NFASC: variants seen among roughly 807,000 people sequenced by gnomAD.
NFASC encodes neurofascin homolog.
A neutral mutation model predicts 147.5 loss-of-function variants in NFASC; 43 were observed. That is an observed-to-expected ratio of 0.29 (90% CI 0.23 to 0.38). The LOEUF is 0.38. Among genes scored for constraint, NFASC ranks in the 10% least tolerant of loss-of-function variants. The pLI, the probability that NFASC is intolerant of heterozygous loss-of-function variation, is 1.00. For missense variants in NFASC, 1,320 were observed against 1,689.0 expected, an observed-to-expected ratio of 0.78 and a Z score of 3.83; for synonymous variants, 622 against 665.5, an observed-to-expected ratio of 0.93 and a Z score of 1.01.
chr1:204,893,548 A>G (rs933255192), intron 1 of NFASC, among the ~76,000 whole-genome samples: 1 of 152,240 alleles, frequency 6.6e-6, no homozygotes, highest in African/African-American at 2.4e-5. Flanking sequence ...CTAGTACCAG[A>G]TCTAAAATTG....
Position 204,882,501 on chromosome 1 carries a change from T to C in NFASC, c.-199-38131T>C, listed in dbSNP as rs145096844. ...TTGATATCACTTCCTGACCACCCTA[T>C]GTAAAATCTGCCCTTTCTTTCCCCA... On this transcript the variant is annotated intron_variant, in intron 1 of 29. Transcript: ENST00000339876. 5.6e-4 allele frequency among the ~76,000 whole-genome samples: 86 copies of C among 152,300 alleles called. No homozygotes were observed. In the East Asian group the frequency reaches 0.011, roughly 19 times the overall value.
In NFASC at chr1:204,904,876, CT is replaced by C. The variant is rs550903705; in HGVS notation, c.-199-15755del. ...TTCTGCTCCTTCCTTCCTTTTCTTC[CT>C]ATTCATCCATCCACCCATCTGTTTG... On this transcript the variant is annotated intron_variant, in intron 1 of 29. Coordinates refer to ENST00000339876, the MANE Select transcript of NFASC (RefSeq NM_001005388.3). Among the ~76,000 whole-genome samples the C allele has an allele frequency of 3.8e-4, 40 of 104,790 alleles. No homozygotes were observed. The South Asian group carries it at 8.2e-3, about 22-fold the overall frequency. 68.7% of individuals were successfully genotyped at this position (104,790 alleles called of 152,430 possible).
chr1:204,904,592 A>G (rs1226134749), intron 1 of NFASC, among the ~76,000 whole-genome samples: 1 of 152,220 alleles, frequency 6.6e-6, no homozygotes, highest in Non-Finnish European at 1.5e-5. Context: ...TAAAGAGATC[A>G]TTCCTCTTTG....
At chr1:204,889,249 C>G (rs2081931068) in intron 1 of NFASC, among the ~76,000 whole-genome samples, 1 of 152,200 alleles carries the variant, frequency 6.6e-6, no homozygotes, top group Non-Finnish European at 1.5e-5. Context: ...TTACAAAATC[C>G]TTCTGTCAAT....
At position 205,009,677 on chromosome 1, in the gene NFASC, G is replaced by T; in HGVS notation, c.3410G>T (p.Gly1137Val). Residue 1137 changes from glycine to valine, a missense_variant, in exon 28 of 30, where the codon GGC (glycine) becomes GTC (valine). By Grantham distance (109) the Gly-to-Val change is moderately radical. Around this residue, in one of 3 missense-constraint regions of NFASC, gnomAD observed 167 missense variants for 233.8 expected, o/e 0.71. Coordinates refer to ENST00000339876, the MANE Select transcript of NFASC (RefSeq NM_001005388.3). The part of the protein sequence containing the change: ...IVCFIKRSRG[G>V]KYPVREKKDV... ...TGTTTCATCAAGAGGAGTCGCGGCG[G>T]CAAGTACCCAGGTGAGATGTGCAAG... 9 of 1,613,822 alleles carry T rather than the reference G, an allele frequency of 5.6e-6. No homozygotes were observed. Among genetic ancestry groups the T allele is most frequent in the Non-Finnish European group, 7.6e-6 (9 of 1,179,916 alleles).
chr1:204,882,155 A>G (rs2080377000), intron 1 of NFASC, among the ~76,000 whole-genome samples: 1 of 152,150 alleles, frequency 6.6e-6, no homozygotes, highest in Non-Finnish European at 1.5e-5. Context: ...GGTCCTGAAT[A>G]AAGTCTGCCT....
At chr1:204,956,253 A>T (rs1016274016) in intron 7 of NFASC, among the ~76,000 whole-genome samples, 1 of 152,200 alleles carries the variant, frequency 6.6e-6, no homozygotes, top group Non-Finnish European at 1.5e-5. Flanking sequence ...AGTTTCATTC[A>T]TCTGCTTAAA....
Position 204,979,061 on chromosome 1 carries a change from C to T in NFASC, c.1970C>T (p.Pro657Leu), listed in dbSNP as rs781678487. Residue 657 changes from proline (P) to leucine (L), a missense_variant, in exon 18 of 30, where the codon CCC becomes CTC. Physicochemically the swap from Pro to Leu is moderately conservative, Grantham distance 98 (BLOSUM62 -3). Coordinates refer to ENST00000339876, the MANE Select transcript of NFASC (RefSeq NM_001005388.3). This position sits in a 1 kb window ranked among gnomAD's most constrained non-coding sequence, Gnocchi z 6.0. ...TWIPGDANNS[P>L]ITDYVVQFEE... ...ATCCCCGGGGATGCTAACAACAGCC[C>T]CATCACAGGTAGCTCAGGGCCTTGC... 39 of 1,558,100 alleles carry T rather than the reference C, an allele frequency of 2.5e-5. No individual in the cohort carries two copies. The highest frequency in any genetic ancestry group is 3.0e-5 in the Non-Finnish European group (35 of 1,150,242).
intron 1 of NFASC, among the ~76,000 whole-genome samples, chr1:204,841,537 C>G (rs1675351912): frequency 6.6e-6 from 1 of 152,166 alleles, no homozygotes; most frequent in South Asian, 2.1e-4. Flanking sequence ...AGCCACTGTT[C>G]AGTGCTCTTG....
In NFASC at chr1:204,979,549, C is replaced by A; in HGVS notation, c.2166C>A (p.Thr722=). Residue 722 remains threonine, a synonymous_variant, in exon 19 of 30, where the codon ACC becomes ACA. Transcript: ENST00000339876. This position sits in a 1 kb window ranked among gnomAD's most constrained non-coding sequence, Gnocchi z 6.0. ...GCCTCCCATCCGAGCGCTACCGAAC[C>A]AGTGGAGCACGTGAGTACCCGAGGG... The part of the protein sequence containing the change: ...HPSLPSERYR[T]SGAPPESNPG... The A allele has an allele frequency of 6.2e-7, 1 of 1,613,726 alleles. No individual in the cohort carries two copies. Among genetic ancestry groups the A allele is most frequent in the Middle Eastern group, 1.7e-4 (1 of 6,058 alleles).
chr1:204,912,327 A>T (rs1558074013), intron 1 of NFASC, among the ~76,000 whole-genome samples: 1 of 151,448 alleles, frequency 6.6e-6, no homozygotes, highest in Non-Finnish European at 1.5e-5. Context: ...GATATGTTGT[A>T]TTTTCATTTT....
chr1:204,941,023 A>G (rs994118551), intron 2 of NFASC, among the ~76,000 whole-genome samples: 1 of 152,234 alleles, frequency 6.6e-6, no homozygotes, highest in Non-Finnish European at 1.5e-5. Flanking sequence ...CAAACTATAC[A>G]TTTCTTTTTT....
At chr1:204,893,429 G>A (rs2082773847) in intron 1 of NFASC, among the ~76,000 whole-genome samples, 1 of 152,174 alleles carries the variant, frequency 6.6e-6, no homozygotes. Flanking sequence ...GGAGATTGTG[G>A]AGACTAAGAG....
intron 2 of NFASC, among the ~76,000 whole-genome samples, chr1:204,924,752 C>T (rs1431544911): frequency 6.6e-6 from 1 of 152,154 alleles, no homozygotes; most frequent in Non-Finnish European, 1.5e-5. Context: ...GCACAGGCAT[C>T]GTCTACACTG....
chr1:204,832,564 A>G (rs1672546716), intron 1 of NFASC, among the ~76,000 whole-genome samples: 1 of 152,212 alleles, frequency 6.6e-6, no homozygotes. Flanking sequence ...GCAAATATCC[A>G]TAGCCGAAGT....
chr1:205,007,791 G>A (rs1021474534), intron 27 of NFASC, among the ~76,000 whole-genome samples: 1 of 152,162 alleles, frequency 6.6e-6, no homozygotes, highest in African/African-American at 2.4e-5. Flanking sequence ...TAGAGAGATG[G>A]CCAGGGCCTG....
rs753846362 is a variant in NFASC at position 204,968,986 on chromosome 1, C to T, written c.1003+4C>T. 1.9e-6 allele frequency: 3 copies of T among 1,611,160 alleles called. No individual in the cohort carries two copies. Among genetic ancestry groups the T allele is most frequent in the Admixed American group, 1.7e-5 (1 of 59,802 alleles). On this transcript the variant is annotated splice_donor_region_variant and intron_variant, in intron 10 of 29. Transcript: ENST00000339876. This position sits in a 1 kb window ranked among gnomAD's most constrained non-coding sequence, Gnocchi z 5.4. ...ACGATCTCGGTGAGAGTAAAGGGTA[C>T]GTTGTGTGTATTTATCATTATGATT...
intron 23 of NFASC, 59 bp downstream of exon 23, chr1:204,988,865 G>T: frequency 6.7e-7 from 1 of 1,499,498 alleles, no homozygotes; most frequent in East Asian, 2.3e-5. Flanking sequence ...GAGGCCTAGA[G>T]AAACACTGAG....
At chr1:204,977,612 C>G (rs533305358) in intron 16 of NFASC, 69 bp from the exon 17 acceptor site, 104 of 1,480,230 alleles carry the variant, frequency 7.0e-5, no homozygotes, top group Non-Finnish European at 9.5e-5. Context: ...GCTGCCTACC[C>G]CCATCCTTCT....
Sources: gnomAD v4.1 joint callset for allele counts (sites outside exome capture counted in the v4.1 genomes callset) on GRCh38, gnomAD v4.1.1 for gene constraint, gnomAD v4.1.1 regional missense constraint, Gnocchi (gnomAD v3.1) non-coding constraint, MANE v1.5 for transcripts, NCBI Gene and HGNC (gene_info 2026-07-23, HGNC 2026-07-21) for gene names.